Variants in PDE10A observed in about 807,000 individuals in gnomAD.
The protein encoded by PDE10A is phosphodiesterase 10A, also known as cAMP and cAMP-inhibited cGMP 3',5'-cyclic phosphodiesterase 10A.
A neutral mutation model predicts 97.7 loss-of-function variants in PDE10A; 39 were observed. The ratio of observed to expected loss-of-function variants is 0.40; its 90% CI spans 0.31 to 0.52. The LOEUF is 0.52. PDE10A is among the 20% of genes least tolerant of loss of function. The pLI, the probability that PDE10A is intolerant of heterozygous loss-of-function variation, is 0.56. For synonymous variants in PDE10A, 371 were observed against 376.8 expected (o/e 0.98, Z 0.18); for missense variants, 731 against 1,047.8 (o/e 0.70, Z 4.17).
intron 1 of PDE10A, among the ~76,000 whole-genome samples, chr6:165,657,109 C>A (rs1394373591): frequency 6.6e-6 from 1 of 152,240 alleles, no homozygotes; most frequent in African/African-American, 2.4e-5. Context: ...TGTTAACAGT[C>A]TCAGGGAAAC....
chr6:165,584,388 C>T (rs1785788900), intron 1 of PDE10A, among the ~76,000 whole-genome samples: 1 of 152,170 alleles, frequency 6.6e-6, no homozygotes, highest in Non-Finnish European at 1.5e-5. Context: ...TGATTTGGTA[C>T]TTTCCCATAC....
intron 1 of PDE10A, among the ~76,000 whole-genome samples, chr6:165,977,762 G>A (rs1203513401): frequency 1.3e-5 from 2 of 152,134 alleles, no homozygotes; most frequent in Non-Finnish European, 2.9e-5. Context: ...CAATAAATGA[G>A]GGTCTATGTC....
chr6:165,781,566 C>T (rs942562877), intron 1 of PDE10A: 1 of 152,232 alleles, frequency 6.6e-6, no homozygotes, highest in African/African-American at 2.4e-5. Context: ...GGTTACCTCA[C>T]ATGGCAAAGG....
intron 2 of PDE10A, among the ~76,000 whole-genome samples, chr6:165,516,211 A>G (rs976932741): frequency 1.3e-5 from 2 of 152,130 alleles, no homozygotes; most frequent in Non-Finnish European, 2.9e-5. Context: ...TCTTCCATCT[A>G]CAATTTTTCC....
At chr6:165,462,564 G>C (rs1020737816) in intron 3 of PDE10A, among the ~76,000 whole-genome samples, 5 of 152,132 alleles carry the variant, frequency 3.3e-5, no homozygotes, top group African/African-American at 1.2e-4. Context: ...AGAGATTCTG[G>C]GAGGATCCCG....
At chr6:165,753,085 C>A (rs376536158) in intron 1 of PDE10A, among the ~76,000 whole-genome samples, 1 of 152,212 alleles carries the variant, frequency 6.6e-6, no homozygotes, top group African/African-American at 2.4e-5. Context: ...GAAATTCATA[C>A]TTTACTGAGA....
At chr6:165,942,713 T>G (rs1288943674) in intron 1 of PDE10A, among the ~76,000 whole-genome samples, 1 of 152,186 alleles carries the variant, frequency 6.6e-6, no homozygotes, top group African/African-American at 2.4e-5. Context: ...TAGGCACTAT[T>G]ATATACCAAC....
chr6:165,385,584 G>C (rs1387077291), intron 17 of PDE10A, among the ~76,000 whole-genome samples: 1 of 152,216 alleles, frequency 6.6e-6, no homozygotes, highest in Non-Finnish European at 1.5e-5. Flanking sequence ...GCCTAAAACA[G>C]TTGTTGGCAA....
intron 1 of PDE10A, among the ~76,000 whole-genome samples, chr6:165,623,272 C>G (rs1480025941): frequency 3.9e-5 from 6 of 152,138 alleles, no homozygotes; most frequent in Admixed American, 1.3e-4. Context: ...ATTACAGGCA[C>G]CGGCCACCAT....
intron 1 of PDE10A, among the ~76,000 whole-genome samples, chr6:165,772,171 G>T (rs1023419841): frequency 6.6e-6 from 1 of 152,134 alleles, no homozygotes; most frequent in South Asian, 2.1e-4. Flanking sequence ...CAAGTACAAA[G>T]AATAAAGCAT....
chr6:165,802,429 T>A (rs1320341424), intron 1 of PDE10A, among the ~76,000 whole-genome samples: 1 of 152,156 alleles, frequency 6.6e-6, no homozygotes, highest in Non-Finnish European at 1.5e-5. Context: ...TCCCATACCA[T>A]GTCTTCATGT....
chr6:165,624,155 C>G (rs918432745), intron 1 of PDE10A, among the ~76,000 whole-genome samples: 1 of 152,244 alleles, frequency 6.6e-6, no homozygotes, highest in Admixed American at 6.5e-5. Flanking sequence ...CCATCCACCT[C>G]TCACAAGAGT....
chr6:165,642,053 G>T (rs576498405), intron 1 of PDE10A, among the ~76,000 whole-genome samples: 1 of 152,164 alleles, frequency 6.6e-6, no homozygotes, highest in Admixed American at 6.5e-5. Flanking sequence ...TTCATCGGGG[G>T]TGTAACTTAC....
intron 1 of PDE10A, among the ~76,000 whole-genome samples, chr6:165,713,787 T>C (rs1791961031): frequency 6.6e-6 from 1 of 152,232 alleles, no homozygotes; most frequent in Non-Finnish European, 1.5e-5. Flanking sequence ...CTTGGTACAT[T>C]ATTAACAGAA....
At chr6:165,714,132 G>T (rs1356088969) in intron 1 of PDE10A, among the ~76,000 whole-genome samples, 1 of 152,172 alleles carries the variant, frequency 6.6e-6, no homozygotes, top group Non-Finnish European at 1.5e-5. Context: ...AAATGGCAGG[G>T]GTCCCCTATT....
chr6:165,618,950 T>G (rs1202161052), intron 1 of PDE10A, among the ~76,000 whole-genome samples: 1 of 145,250 alleles, frequency 6.9e-6, no homozygotes, highest in South Asian at 2.1e-4. Flanking sequence ...TAGTCTAGTG[T>G]AGTGCAGTGT....
At chr6:165,501,696 C>T (rs1780900127) in intron 2 of PDE10A, among the ~76,000 whole-genome samples, 1 of 152,206 alleles carries the variant, frequency 6.6e-6, no homozygotes, top group South Asian at 2.1e-4. Flanking sequence ...TAAGGATACC[C>T]TGTTGAAGGA....
intron 10 of PDE10A, among the ~76,000 whole-genome samples, chr6:165,428,235 C>T (rs968007989): frequency 6.6e-6 from 1 of 152,026 alleles, no homozygotes; most frequent in South Asian, 2.1e-4. Flanking sequence ...GGGAAATATG[C>T]CTATAACTCT....
intron 1 of PDE10A, among the ~76,000 whole-genome samples, chr6:165,605,066 G>A (rs1425231991): frequency 2.0e-5 from 3 of 151,982 alleles, no homozygotes; most frequent in African/African-American, 4.8e-5. Context: ...TTTTACCACC[G>A]GAATATGTCT....
Sources: allele counts gnomAD v4.1 joint callset (sites outside exome capture counted in the v4.1 genomes callset), GRCh38; gene constraint gnomAD v4.1.1; transcripts MANE v1.5; gene names NCBI Gene and HGNC (gene_info 2026-07-23, HGNC 2026-07-21).